ANAPC5: variants seen among roughly 807,000 people sequenced by gnomAD.
The protein encoded by ANAPC5 is anaphase promoting complex subunit 5.
Under a neutral mutation model 91.3 loss-of-function variants are expected in ANAPC5, and 60 were observed. The ratio of observed to expected loss-of-function variants is 0.66; its 90% CI spans 0.53 to 0.81. The LOEUF is 0.81. ANAPC5 is among the 40% of genes least tolerant of loss of function. The probability of loss-of-function intolerance (pLI) is 0.00; values close to 1 mark genes in which losing one functional copy is unlikely to be tolerated. For synonymous variants in ANAPC5, 340 were observed against 364.1 expected (o/e 0.93, Z 0.75); for missense variants, 690 against 931.5 (o/e 0.74, Z 3.37).
intron 4 of ANAPC5, 45 bp downstream of exon 4, chr12:121,345,794 T>C (rs782520252): frequency 1.5e-5 from 23 of 1,558,368 alleles, no homozygotes; most frequent in Non-Finnish European, 2.0e-5. Context: ...CTTGAAATTA[T>C]ACTATTTCAC....
At position 121,327,184 on chromosome 12, in the gene ANAPC5, A is replaced by G. The variant is rs141045075; in HGVS notation, c.1352T>C (p.Leu451Pro). The change falls in exon 11 of 17, where the codon CTG becomes CCG. Residue 451 changes from leucine to proline, a missense_variant. By Grantham distance (98) the Leu-to-Pro change is moderately conservative (BLOSUM62 -3). Around this residue, in one of 5 missense-constraint regions of ANAPC5, gnomAD observed 317 missense variants for 438.7 expected, o/e 0.72. Transcript: ENST00000261819. ...CTGCACGCCCGCATTCACCGCCTCC[A>G]GGCTGTTCATGCTCAGCAACATCTG... ...QAQMLLSMNS[L>P]EAVNAGVQQN... The G allele has an allele frequency of 2.5e-5, 40 of 1,613,656 alleles. No individual in the cohort carries two copies. In the African/African-American group the frequency reaches 4.3e-4, roughly 17 times the overall value.
intron 11 of ANAPC5, among the ~76,000 whole-genome samples, chr12:121,321,869 T>C (rs1414323843): frequency 1.3e-5 from 2 of 150,328 alleles, no homozygotes; most frequent in African/African-American, 4.9e-5. Flanking sequence ...GCTGTTGTTG[T>C]TGCTTTTTTT....
intron 15 of ANAPC5, among the ~76,000 whole-genome samples, chr12:121,310,985 T>C (rs1284815646): frequency 1.4e-5 from 2 of 142,740 alleles, no homozygotes; most frequent in South Asian, 2.2e-4. Flanking sequence ...TAAAGGTAAA[T>C]GAGTTAAACT....
chr12:121,324,184 A>G (rs1902722465), intron 11 of ANAPC5, among the ~76,000 whole-genome samples: 1 of 152,206 alleles, frequency 6.6e-6, no homozygotes, highest in African/African-American at 2.4e-5. Flanking sequence ...GAGACTCATG[A>G]TAAAGCTGCC....
At chr12:121,334,678 G>A (rs529124128) in intron 7 of ANAPC5, 8 of 152,312 alleles carry the variant, frequency 5.3e-5, no homozygotes, top group African/African-American at 1.4e-4. Context: ...ATAAACCAGT[G>A]TCACCTGACT....
In ANAPC5 at chr12:121,319,716, T is replaced by G. The variant is rs1285718988; in HGVS notation, c.1618A>C (p.Ser540Arg). 6.2e-7 allele frequency: 1 copy of G among 1,611,660 alleles called. No individual in the cohort carries two copies. The highest frequency in any genetic ancestry group is 1.7e-5 in the Admixed American group (1 of 59,640). Reference protein sequence around the residue: ...SLVTGITALNSIEGVYRKAVV... With the variant: ...SLVTGITALNRIEGVYRKAVV... ...TCTTACCTATAAACACCCTCTATGC[T>G]ATTGAGAGCTGTGATTCCTGTAACA... The change falls in exon 13 of 17, where the codon AGC becomes CGC. Residue 540 changes from serine to arginine, a missense_variant. This residue lies in a region of ANAPC5 where 317 missense variants were observed against 438.7 expected (regional missense o/e 0.72). Transcript: ENST00000261819.
intron 9 of ANAPC5, among the ~76,000 whole-genome samples, chr12:121,329,617 C>CTTT (rs201582258): frequency 7.2e-6 from 1 of 138,086 alleles, no homozygotes; most frequent in Non-Finnish European, 1.6e-5. Flanking sequence ...CTTGTGCTTC[C>CTTT]TTTTTTTTTT....
rs868963505 is a variant in ANAPC5, at chr12:121,345,936, C to T, written c.493G>A (p.Gly165Ser). Residue 165 changes from glycine to serine, a missense_variant, in exon 4 of 17, where the codon GGT becomes AGT. By Grantham distance (56) the Gly-to-Ser change is moderately conservative (BLOSUM62 0). Transcript: ENST00000261819. ...YTALQQYFQNGEKKTVEDADM... is the reference protein window; with the variant it reads ...YTALQQYFQNSEKKTVEDADM... ...GCATCCTCCACTGTCTTTTTCTCACCATTCTGGAAGTACTGCTGAAGGGCA... is the reference window on the plus strand; with the variant it reads ...GCATCCTCCACTGTCTTTTTCTCACTATTCTGGAAGTACTGCTGAAGGGCA... The T allele has an allele frequency of 4.3e-6, 7 of 1,614,008 alleles. No individual in the cohort carries two copies. In the Middle Eastern group the frequency reaches 9.9e-4, roughly 227 times the overall value.
chr12:121,316,126 G>A (rs1162474499), intron 15 of ANAPC5, among the ~76,000 whole-genome samples: 1 of 152,046 alleles, frequency 6.6e-6, no homozygotes, highest in East Asian at 1.9e-4. Context: ...TAAAAAACAG[G>A]TAAAGGATCG....
chr12:121,312,519 G>A lies in ANAPC5; in HGVS notation c.1894-2656C>T, dbSNP rs561837775. Among the ~76,000 whole-genome samples, 15 of 151,362 alleles carry A rather than the reference G, an allele frequency of 9.9e-5. No individual in the cohort carries two copies. In the South Asian group the frequency reaches 2.5e-3, roughly 25 times the overall value. On this transcript the variant is annotated intron_variant, in intron 15 of 16. Coordinates refer to ENST00000261819, the MANE Select transcript of ANAPC5 (RefSeq NM_016237.5). The stretch of plus-strand genomic sequence containing the variant: ...CAGGAGATCGAGACCATCCTAACAC[G>A]ATGAAACCCCAGCTCTACTAAAAAT...
chr12:121,337,487 ACAGGGGTCCCTT>A (rs1193279277), intron 5 of ANAPC5, 95 bp from the exon 6 acceptor site: 2 of 954,278 alleles, frequency 2.1e-6, no homozygotes, highest in African/African-American at 3.3e-5. Flanking sequence ...TTTCTTTTCT[ACAGGGGTCCCTT>A]CAGGCTCTGG....
chr12:121,345,535 G>A (rs941353889), intron 4 of ANAPC5, among the ~76,000 whole-genome samples: 3 of 152,140 alleles, frequency 2.0e-5, no homozygotes, highest in Middle Eastern at 6.8e-3. Flanking sequence ...CAGAAAGAGC[G>A]ACCTGACAGA....
chr12:121,311,590 T>G (rs1902168544), intron 15 of ANAPC5, among the ~76,000 whole-genome samples: 1 of 152,122 alleles, frequency 6.6e-6, no homozygotes, highest in Non-Finnish European at 1.5e-5. Context: ...CCCTGCACTT[T>G]GGGAAGCTGA....
intron 15 of ANAPC5, among the ~76,000 whole-genome samples, chr12:121,317,718 T>C (rs78488548): frequency 0.015 from 2,322 of 152,358 alleles, 56 homozygotes; most frequent in African/African-American, 0.053. Context: ...TACAGCCAGT[T>C]TGGAGAACCT....
chr12:121,352,476 T>G, upstream of ANAPC5: 1 of 711,204 alleles, frequency 1.4e-6, no homozygotes, highest in South Asian at 1.9e-5. Context: ...CTCGCGGCAT[T>G]TGTTAACCAA....
chr12:121,321,807 G>A (rs1902620433), intron 11 of ANAPC5, among the ~76,000 whole-genome samples: 1 of 151,836 alleles, frequency 6.6e-6, no homozygotes, highest in Admixed American at 6.6e-5. Context: ...TCAAGTGCTG[G>A]GATTACAGGC....
At chr12:121,322,551 A>G (rs1902658903) in intron 11 of ANAPC5, among the ~76,000 whole-genome samples, 1 of 152,260 alleles carries the variant, frequency 6.6e-6, no homozygotes, top group South Asian at 2.1e-4. Context: ...TTCAATGTCA[A>G]TAAATACAAA....
At chr12:121,334,939 T>C (rs1903172793) in intron 7 of ANAPC5, 1 of 152,164 alleles carries the variant, frequency 6.6e-6, no homozygotes, top group Non-Finnish European at 1.5e-5. Context: ...TGTTACATAG[T>C]GACACTAGGG....
In ANAPC5 at chr12:121,342,978, C is replaced by T. The variant is rs184574551; in HGVS notation, c.591-909G>A. Among the ~76,000 whole-genome samples the T allele has an allele frequency of 6.6e-6, 1 of 152,216 alleles. No homozygotes were observed. The highest frequency in any genetic ancestry group is 6.5e-5 in the Admixed American group (1 of 15,284). On this transcript the variant is annotated intron_variant, in intron 4 of 16. Transcript: ENST00000261819. The surrounding 1 kb of genome is among the most constrained non-coding windows in gnomAD (Gnocchi z 4.1). ...CTCTAACAAAGTAATTTCTTTTAGA[C>T]AAAGAATTATAATCATTAGTTAGAT...
Sources: gnomAD v4.1 joint callset for allele counts (sites outside exome capture counted in the v4.1 genomes callset) on GRCh38, gnomAD v4.1.1 for gene constraint, gnomAD v4.1.1 regional missense constraint, Gnocchi (gnomAD v3.1) non-coding constraint, MANE v1.5 for transcripts, NCBI Gene and HGNC (gene_info 2026-07-23, HGNC 2026-07-21) for gene names.